NXPE2: variants seen among roughly 807,000 people sequenced by gnomAD.
NXPE2 encodes neurexophilin and PC-esterase domain family member 2, also known as NXPE family member 2.
In NXPE2, 34 loss-of-function variants were observed where a neutral mutation model predicts 34.4. That is an observed-to-expected ratio of 0.99 (90% CI 0.75 to 1.31). The LOEUF (loss-of-function observed/expected upper bound fraction) is 1.31, where lower values mean the gene tolerates loss of function less well. Among genes scored for constraint, NXPE2 ranks in the 40% most tolerant of loss-of-function variants. NXPE2 has a pLI of 0.00. For synonymous variants in NXPE2, 235 were observed against 231.3 expected (o/e 1.02, Z -0.15); for missense variants, 649 against 672.5 (o/e 0.97, Z 0.39).
At chr11:114,584,067 A>C in the NXPE2 span, 15 of 305,838 alleles carry the variant, frequency 4.9e-5, no homozygotes, top group Non-Finnish European at 7.7e-5. Flanking sequence ...GGTCACTTAG[A>C]TTGCTTTAAT....
At chr11:114,632,954 T>C in the NXPE2 span, among the ~76,000 whole-genome samples, 47 of 102,450 alleles carry the variant, frequency 4.6e-4, no homozygotes, top group East Asian at 0.011. Context: ...ATATGATATT[T>C]TATATAATTA....
At chr11:114,530,309 A>G in the NXPE2 span, 27 of 1,614,242 alleles carry the variant, frequency 1.7e-5, no homozygotes, top group South Asian at 2.6e-4. Context: ...TGTCATCCAG[A>G]TATTCACAGA....
chr11:114,682,669 TTAATAA>T (rs947840610), intron 2 of NXPE2, among the ~76,000 whole-genome samples: 1 of 152,202 alleles, frequency 6.6e-6, no homozygotes, highest in Non-Finnish European at 1.5e-5. Flanking sequence ...CAAACCAAAC[TTAATAA>T]TAATGCATAG....
chr11:114,595,728 G>C, the NXPE2 span: 7 of 152,270 alleles, frequency 4.6e-5, no homozygotes, highest in South Asian at 1.2e-3. Flanking sequence ...ATAAGTTGCA[G>C]TTTGTTTACC....
At chr11:114,474,728 T>C in the NXPE2 span, among the ~76,000 whole-genome samples, 1 of 152,218 alleles carries the variant, frequency 6.6e-6, no homozygotes, top group African/African-American at 2.4e-5. Flanking sequence ...GTAATATCTT[T>C]GAAACGATAG....
the NXPE2 span, among the ~76,000 whole-genome samples, chr11:114,739,538 T>G: frequency 6.6e-6 from 1 of 152,036 alleles, no homozygotes; most frequent in African/African-American, 2.4e-5. Context: ...TATGTACACA[T>G]TGTGAAATGA....
chr11:114,734,890 C>T, the NXPE2 span, among the ~76,000 whole-genome samples: 1 of 152,132 alleles, frequency 6.6e-6, no homozygotes, highest in African/African-American at 2.4e-5. Context: ...GGGCGGATCA[C>T]AAGGTCAGGA....
the NXPE2 span, among the ~76,000 whole-genome samples, chr11:114,794,095 G>A: frequency 6.6e-6 from 1 of 152,090 alleles, no homozygotes; most frequent in Non-Finnish European, 1.5e-5. Flanking sequence ...GCCAGACAAA[G>A]CACAAATCTA....
At chr11:114,525,617 G>A in the NXPE2 span, among the ~76,000 whole-genome samples, 2 of 152,138 alleles carry the variant, frequency 1.3e-5, no homozygotes, top group Non-Finnish European at 2.9e-5. Context: ...GTAAGTGCCT[G>A]TTTTTCCCTT....
the NXPE2 span, chr11:114,527,886 A>C: frequency 6.3e-7 from 1 of 1,594,016 alleles, no homozygotes; most frequent in Admixed American, 1.7e-5. Context: ...TCATCATTTC[A>C]ACTCCCACTT....
At chr11:114,810,495 GA>G in the NXPE2 span, among the ~76,000 whole-genome samples, 2 of 149,828 alleles carry the variant, frequency 1.3e-5, no homozygotes, top group African/African-American at 4.9e-5. Flanking sequence ...AAATTTACAA[GA>G]AAAAAACAAC....
the NXPE2 span, among the ~76,000 whole-genome samples, chr11:114,621,625 G>A: frequency 3.3e-5 from 5 of 152,144 alleles, no homozygotes; most frequent in South Asian, 2.1e-4. Context: ...TGACCCAGTG[G>A]ATAATAAGTA....
downstream of NXPE2, chr11:114,707,557 G>T: frequency 4.5e-6 from 1 of 221,240 alleles, no homozygotes; most frequent in Non-Finnish European, 9.6e-6. Context: ...GCCACACCTG[G>T]CTATAAACCA....
At chr11:114,615,053 T>G in the NXPE2 span, among the ~76,000 whole-genome samples, 7 of 151,904 alleles carry the variant, frequency 4.6e-5, no homozygotes, top group African/African-American at 9.7e-5. Context: ...ATAATAAGTG[T>G]TGCCTCGTGG....
the NXPE2 span, among the ~76,000 whole-genome samples, chr11:114,615,738 C>T: frequency 1.4e-4 from 21 of 151,484 alleles, no homozygotes; most frequent in Non-Finnish European, 1.8e-4. Context: ...CACGGGTAAC[C>T]GCTGTTACTC....
chr11:114,615,352 T>C, the NXPE2 span, among the ~76,000 whole-genome samples: 1 of 152,052 alleles, frequency 6.6e-6, no homozygotes, highest in Non-Finnish European at 1.5e-5. Flanking sequence ...AAGTTTTGCC[T>C]CGTGGATAAC....
the NXPE2 span, among the ~76,000 whole-genome samples, chr11:114,477,437 A>G: frequency 6.6e-6 from 1 of 152,252 alleles, no homozygotes; most frequent in African/African-American, 2.4e-5. Flanking sequence ...CAATGTATAC[A>G]TATATCAAAA....
At chr11:114,650,466 G>A in the NXPE2 span, among the ~76,000 whole-genome samples, 1 of 152,158 alleles carries the variant, frequency 6.6e-6, no homozygotes, top group Non-Finnish European at 1.5e-5. Context: ...AGGCATGAAG[G>A]AAGTAATTGG....
the NXPE2 span, among the ~76,000 whole-genome samples, chr11:114,587,025 C>T: frequency 6.6e-6 from 1 of 152,090 alleles, no homozygotes; most frequent in Non-Finnish European, 1.5e-5. Context: ...ATTTCAAGGT[C>T]AACAGCATCA....
Sources: allele counts gnomAD v4.1 joint callset (sites outside exome capture counted in the v4.1 genomes callset), GRCh38; gene constraint gnomAD v4.1.1; transcripts MANE v1.5; gene names NCBI Gene and HGNC (gene_info 2026-07-23, HGNC 2026-07-21).